The following CC2D1A variants were observed in gnomAD, a reference collection of about 807,000 sequenced individuals.
CC2D1A encodes the protein coiled-coil and C2 domain-containing protein 1A.
Under a neutral mutation model 123.8 loss-of-function variants are expected in CC2D1A, and 68 were observed. The ratio of observed to expected loss-of-function variants is 0.55; its 90% CI spans 0.45 to 0.67. The LOEUF (loss-of-function observed/expected upper bound fraction) is 0.67, where lower values mean the gene tolerates loss of function less well. CC2D1A is among the 30% of genes least tolerant of loss of function. The pLI is 0.00. For missense variants in CC2D1A, 1,185 were observed against 1,290.3 expected, an observed-to-expected ratio of 0.92 and a Z score of 1.25; for synonymous variants, 477 against 528.0, an observed-to-expected ratio of 0.90 and a Z score of 1.32.
At chr19:13,907,604 G>A (rs575347129) in intron 1 of CC2D1A, among the ~76,000 whole-genome samples, 109 of 152,042 alleles carry the variant, frequency 7.2e-4, no homozygotes, top group African/African-American at 2.5e-3. Flanking sequence ...ACCGAGAGGC[G>A]GAGGTTGCAG....
intron 11 of CC2D1A, chr19:13,919,608 C>G (rs190763281): frequency 2.4e-6 from 1 of 416,134 alleles, no homozygotes; most frequent in Admixed American, 4.1e-5. Flanking sequence ...TGTGGTGGTG[C>G]ACACCTGCAG....
At chr19:13,909,747 G>A (rs775260333) in intron 1 of CC2D1A, 76 bp from the exon 2 acceptor site, 1 of 1,586,176 alleles carries the variant, frequency 6.3e-7, no homozygotes, top group Non-Finnish European at 8.7e-7. Flanking sequence ...CTCCCAAGGG[G>A]ACTCTCTGGC....
At chr19:13,926,465 G>C in intron 17 of CC2D1A, 52 bp from the exon 18 acceptor site, 1 of 1,558,830 alleles carries the variant, frequency 6.4e-7, no homozygotes, top group Non-Finnish European at 8.8e-7. Context: ...CAGTGGGACT[G>C]AGGTGCCTCT....
In CC2D1A at chr19:13,927,274, T is replaced by C. The variant is rs1356308238; in HGVS notation, c.2316+9T>C. On this transcript the variant is annotated intron_variant, in intron 22 of 28. Transcript: ENST00000318003. The stretch of plus-strand genomic sequence containing the variant: ...TCCGGGAGATCCTTGAGGTGAGAGG[T>C]GGACATTCATCCGCGTGCTCCGGTA... 6.2e-7 allele frequency: 1 copy of C among 1,608,808 alleles called. No homozygotes were observed. The highest frequency in any genetic ancestry group is 2.2e-5 in the East Asian group (1 of 44,844).
At position 13,923,883 on chromosome 19, in the gene CC2D1A, C is replaced by T. The variant is rs2054469343; in HGVS notation, c.1940+72C>T. 1 of 1,128,204 alleles carries T rather than the reference C, an allele frequency of 8.9e-7. No homozygotes were observed. Among genetic ancestry groups the T allele is most frequent in the East Asian group, 2.4e-5 (1 of 42,436 alleles). The allele number at this position is 1,128,204 out of a possible 1,614,324, so 69.9% of individuals were successfully genotyped here. On this transcript the variant is annotated intron_variant, in intron 17 of 28. Transcript: ENST00000318003. This position sits in a 1 kb window ranked among gnomAD's most constrained non-coding sequence, Gnocchi z 5.3. Reference sequence around the variant, plus strand: ...TGGTGGCGGTGGGGCGGGTTGTGCTCCCCAGAAGCTGGCACAAGATTTACA... The same window carrying T: ...TGGTGGCGGTGGGGCGGGTTGTGCTTCCCAGAAGCTGGCACAAGATTTACA...
chr19:13,920,517 G>T, intron 12 of CC2D1A, 40 bp from the exon 13 acceptor site: 1 of 1,214,150 alleles, frequency 8.2e-7, no homozygotes, highest in Non-Finnish European at 1.2e-6. Context: ...CTCATCACAG[G>T]CGCTACGAAA....
At chr19:13,913,064 G>T (rs898492062) in intron 4 of CC2D1A, 104 bp from the exon 5 acceptor site, 1 of 1,240,098 alleles carries the variant, frequency 8.1e-7, no homozygotes, top group African/African-American at 1.5e-5. Flanking sequence ...GGGCAGGGGA[G>T]GCTGGTCCAG....
chr19:13,919,688 A>C (rs1455456961), intron 11 of CC2D1A, 130 bp from the exon 12 acceptor site: 1 of 998,000 alleles, frequency 1.0e-6, no homozygotes, highest in African/African-American at 1.7e-5. Flanking sequence ...AAAAAAAAAA[A>C]AATTAATTAA....
Position 13,928,045 on chromosome 19 carries a change from C to G in CC2D1A, c.2454+15C>G, listed in dbSNP as rs776697631. On this transcript the variant is annotated intron_variant, in intron 23 of 28. Coordinates refer to ENST00000318003, the MANE Select transcript of CC2D1A (RefSeq NM_017721.5). ...CTGTGCCCACAGTGAGACCCCCCAC[C>G]CCCACCCATCAGCAACCCCAGGGAG... is the stretch of plus-strand genomic sequence containing the variant. The G allele has an allele frequency of 4.3e-6, 7 of 1,612,970 alleles. No individual in the cohort carries two copies. In the Middle Eastern group the frequency reaches 4.9e-4, roughly 114 times the overall value.
At chr19:13,919,787 C>T (rs1186121772) in intron 11 of CC2D1A, 31 bp from the exon 12 acceptor site, 6 of 1,565,132 alleles carry the variant, frequency 3.8e-6, no homozygotes, top group Non-Finnish European at 5.2e-6. Flanking sequence ...CATCCTGACA[C>T]ACAATAACCA....
At chr19:13,924,221 A>G (rs1397771108) in intron 17 of CC2D1A, among the ~76,000 whole-genome samples, 1 of 149,544 alleles carries the variant, frequency 6.7e-6, no homozygotes, top group Non-Finnish European at 1.5e-5. Context: ...CCCAGGCTGG[A>G]GTGCAGGGGT....
rs542798158 is a variant in CC2D1A, at chr19:13,913,432, G to A, written c.542G>A (p.Arg181His). Residue 181 changes from arginine (R) to histidine (H), a missense_variant, in exon 6 of 29, where the codon CGT becomes CAT. Arg to His is a conservative substitution (Grantham distance 29). Transcript: ENST00000318003. ...KTLENLLASI[R>H]KGNAIDEADI... Reference sequence around the variant, plus strand: ...CTGGAAAACCTGCTCGCCTCCATCCGTAAGGGCAATGCCATTGACGAAGCG... The same window carrying A: ...CTGGAAAACCTGCTCGCCTCCATCCATAAGGGCAATGCCATTGACGAAGCG... 5.0e-5 allele frequency: 80 copies of A among 1,614,172 alleles called. No individual in the cohort carries two copies. The South Asian group carries it at 5.3e-4, about 11-fold the overall frequency.
Position 13,919,920 on chromosome 19 carries a change from C to T in CC2D1A, c.1325C>T (p.Pro442Leu), listed in dbSNP as rs1971351494. 6.2e-7 allele frequency: 1 copy of T among 1,613,046 alleles called. No homozygotes were observed. The highest frequency in any genetic ancestry group is 8.5e-7 in the Non-Finnish European group (1 of 1,179,768). Reference sequence around the variant, plus strand: ...AAGCTGGCCAACCAGGATGAAGGCCCAGAGGATGAAGAGGATGAGGTGCCT... The same window carrying T: ...AAGCTGGCCAACCAGGATGAAGGCCTAGAGGATGAAGAGGATGAGGTGCCT... ...AMKLANQDEGPEDEEDEVPKK... is the reference protein window; with the variant it reads ...AMKLANQDEGLEDEEDEVPKK... Residue 442 changes from proline to leucine, a missense_variant, in exon 12 of 29, where the codon CCA (proline) becomes CTA (leucine). Coordinates refer to ENST00000318003, the MANE Select transcript of CC2D1A (RefSeq NM_017721.5).
Position 13,930,851 on chromosome 19 carries a change from A to G in CC2D1A, c.*456A>G, listed in dbSNP as rs1405359587. On this transcript the variant is annotated 3_prime_UTR_variant, in exon 29 of 29. Coordinates refer to ENST00000318003, the MANE Select transcript of CC2D1A (RefSeq NM_017721.5). This position sits in a 1 kb window ranked among gnomAD's most constrained non-coding sequence, Gnocchi z 6.8. ...CCAGCTGGGTCCCCAGGGCCAGCAC[A>G]TGGAATAAAATAGCCAGGGCCACAC... The G allele has an allele frequency of 2.1e-5, 4 of 186,652 alleles. No individual in the cohort carries two copies. Among genetic ancestry groups the G allele is most frequent in the Non-Finnish European group, 3.3e-5 (3 of 90,528 alleles). 11.6% of individuals were successfully genotyped at this position (186,652 alleles called of 1,614,324 possible). A position where few individuals can be genotyped will look rare whatever the true frequency, so the allele number is the denominator to read the frequency against.
chr19:13,919,107 C>G, intron 10 of CC2D1A, 23 bp from the exon 11 acceptor site: 1 of 1,608,808 alleles, frequency 6.2e-7, no homozygotes, highest in Non-Finnish European at 8.5e-7. Context: ...CACAGGCAGC[C>G]CTAACACCTG....
In CC2D1A at chr19:13,918,177, C is replaced by T. The variant is rs749382716; in HGVS notation, c.856C>T (p.His286Tyr). The T allele has an allele frequency of 3.4e-5, 55 of 1,600,076 alleles. No homozygotes were observed. Among genetic ancestry groups the T allele is most frequent in the Non-Finnish European group, 4.6e-5 (54 of 1,173,932 alleles). Residue 286 changes from histidine (H) to tyrosine (Y), a missense_variant, in exon 7 of 29, where the codon CAC becomes TAC. Transcript: ENST00000318003. ...QQGDTTAAARHFRVAKSFDAV... is the reference protein window; with the variant it reads ...QQGDTTAAARYFRVAKSFDAV... Reference sequence around the variant, plus strand: ...GGGAGATACCACTGCTGCCGCTAGACACTTCCGCGTGGCTAAGGTGCGTCC... The same window carrying T: ...GGGAGATACCACTGCTGCCGCTAGATACTTCCGCGTGGCTAAGGTGCGTCC...
At chr19:13,924,570 A>T (rs1971526970) in intron 17 of CC2D1A, among the ~76,000 whole-genome samples, 1 of 149,934 alleles carries the variant, frequency 6.7e-6, no homozygotes, top group Non-Finnish European at 1.5e-5. Flanking sequence ...CCCAGGTTCA[A>T]GCAATTCTCC....
In CC2D1A at chr19:13,923,324, C is replaced by G; in HGVS notation, c.1642-9C>G. 1.2e-6 allele frequency: 2 copies of G among 1,601,410 alleles called. No individual in the cohort carries two copies. Among genetic ancestry groups the G allele is most frequent in the Non-Finnish European group, 1.7e-6 (2 of 1,177,918 alleles). Reference sequence around the variant, plus strand: ...TCCTTACCCCCGCCACCAGCCTCGTCCTCCCCAGGTGCCGCCTGCCCCTGT... The same window carrying G: ...TCCTTACCCCCGCCACCAGCCTCGTGCTCCCCAGGTGCCGCCTGCCCCTGT... On this transcript the variant is annotated splice_polypyrimidine_tract_variant and intron_variant, in intron 14 of 28. Coordinates refer to ENST00000318003, the MANE Select transcript of CC2D1A (RefSeq NM_017721.5). This position sits in a 1 kb window ranked among gnomAD's most constrained non-coding sequence, Gnocchi z 5.3.
At position 13,907,697 on chromosome 19, in the gene CC2D1A, A is replaced by AAAAT. The variant is rs1970820153; in HGVS notation, c.60+1212_60+1215dup. On this transcript the variant is annotated intron_variant, in intron 1 of 28. Transcript: ENST00000318003. ...AAAATAAATAAATAAATTCCTTCTG[A>AAAAT]AAATAAATAAATAAATAAAAAATTA... 2.6e-5 allele frequency among the ~76,000 whole-genome samples: 4 copies of AAAAT among 152,022 alleles called. No individual in the cohort carries two copies. In the South Asian group the frequency reaches 8.3e-4, roughly 31 times the overall value.
Sources: gnomAD v4.1 joint callset for allele counts (sites outside exome capture counted in the v4.1 genomes callset) on GRCh38, gnomAD v4.1.1 for gene constraint, Gnocchi (gnomAD v3.1) non-coding constraint, MANE v1.5 for transcripts, NCBI Gene and HGNC (gene_info 2026-07-23, HGNC 2026-07-21) for gene names.